KMT2C: variants seen among roughly 807,000 people sequenced by gnomAD.
The protein encoded by KMT2C is lysine methyltransferase 2C.
Under a neutral mutation model 507.9 loss-of-function variants are expected in KMT2C, and 88 were observed. That is an observed-to-expected ratio of 0.17 (90% CI 0.15 to 0.21). KMT2C has a LOEUF of 0.21. Among genes scored for constraint, KMT2C ranks in the 10% least tolerant of loss-of-function variants. The probability of loss-of-function intolerance (pLI) is 1.00; values close to 1 mark genes in which losing one functional copy is unlikely to be tolerated. For missense variants in KMT2C, 4,954 were observed against 5,957.8 expected (o/e 0.83, Z 5.55); for synonymous variants, 2,049 against 2,080.8 (o/e 0.98, Z 0.42).
chr7:152,329,040 T>C (rs1216141220), intron 3 of KMT2C, among the ~76,000 whole-genome samples: 2 of 151,218 alleles, frequency 1.3e-5, no homozygotes, highest in Non-Finnish European at 2.9e-5. Context: ...TAAAGAAGAG[T>C]AACGGAAATG....
chr7:152,201,617 G>GAAAAAAAAAAAAAAAAAAAAA (rs745427209), intron 26 of KMT2C, among the ~76,000 whole-genome samples: 4 of 22,906 alleles, frequency 1.7e-4, no homozygotes, highest in Non-Finnish European at 3.8e-4. Context: ...CAACAAAGAT[G>GAAAAAAAAAAAAAAAAAAAAA]AAAAAAAAAA....
chr7:152,167,770 T>C (rs1007065517), intron 41 of KMT2C, among the ~76,000 whole-genome samples: 5 of 152,200 alleles, frequency 3.3e-5, no homozygotes, highest in African/African-American at 1.2e-4. Context: ...GACAAAGACA[T>C]ATCCCATTAA....
intron 9 of KMT2C, among the ~76,000 whole-genome samples, chr7:152,257,865 G>GCACACACA (rs113752747): frequency 2.7e-5 from 4 of 147,216 alleles, no homozygotes; most frequent in African/African-American, 9.9e-5. Flanking sequence ...ACACACACAC[G>GCACACACA]CACACACACA....
At chr7:152,389,275 G>GA (rs2097465758) in intron 1 of KMT2C, among the ~76,000 whole-genome samples, 2 of 146,980 alleles carry the variant, frequency 1.4e-5, no homozygotes, top group South Asian at 4.3e-4. Context: ...TGAGGTAGGA[G>GA]AATCACTTGA....
Position 152,295,900 on chromosome 7 carries a change from A to T in KMT2C, c.849+14066T>A, listed in dbSNP as rs368718764. On this transcript the variant is annotated intron_variant, in intron 6 of 58. Coordinates refer to ENST00000262189, the MANE Select transcript of KMT2C (RefSeq NM_170606.3). Reference sequence around the variant, plus strand: ...GCTAACACGGTGAAACCCCGTCTCTACTAAAAATACAAAAAAAATTAGCCG... The same window carrying T: ...GCTAACACGGTGAAACCCCGTCTCTTCTAAAAATACAAAAAAAATTAGCCG... 4.7e-4 allele frequency among the ~76,000 whole-genome samples: 71 copies of T among 151,536 alleles called. No individual in the cohort carries two copies. In the East Asian group the frequency reaches 0.013, roughly 27 times the overall value.
rs3839689 is a variant in KMT2C, at chr7:152,201,293, GACACACACAC to G, written c.4092+1631_4092+1640del. ...CCCTCATGTCACACATACAGACACA[GACACACACAC>G]ACACACACACACACACACACACACA... On this transcript the variant is annotated intron_variant, in intron 26 of 58. Coordinates refer to ENST00000262189, the MANE Select transcript of KMT2C (RefSeq NM_170606.3). Among the ~76,000 whole-genome samples the G allele has an allele frequency of 3.5e-3, 479 of 137,038 alleles. 7 individuals carry two copies. The highest frequency in any genetic ancestry group is 0.012 in the African/African-American group (457 of 37,886). The allele number at this position is 137,038 out of a possible 152,430, so 89.9% of individuals were successfully genotyped here.
intron 46 of KMT2C, among the ~76,000 whole-genome samples, chr7:152,155,702 A>G (rs1587746295): frequency 1.3e-5 from 2 of 152,314 alleles, no homozygotes; most frequent in East Asian, 3.9e-4. Flanking sequence ...TTAACTCTCT[A>G]TATGATGTAG....
intron 1 of KMT2C, among the ~76,000 whole-genome samples, chr7:152,420,885 CA>C (rs1036600917): frequency 6.6e-6 from 1 of 150,960 alleles, no homozygotes; most frequent in African/African-American, 2.4e-5. Context: ...AATCAACAAG[CA>C]AAAAACTAGC....
At chr7:152,195,694 A>G (rs1476040880) in intron 28 of KMT2C, 1 of 298,950 alleles carries the variant, frequency 3.3e-6, no homozygotes, top group Non-Finnish European at 4.9e-6. Flanking sequence ...ATGTGATGCA[A>G]TTAGAAAGAC....
intron 1 of KMT2C, among the ~76,000 whole-genome samples, chr7:152,432,440 T>G (rs958402550): frequency 6.6e-6 from 1 of 152,236 alleles, no homozygotes; most frequent in African/African-American, 2.4e-5. Context: ...GGTTAAGACC[T>G]GTGCCTCTGA....
chr7:152,202,586 T>C (rs529299693), intron 26 of KMT2C, among the ~76,000 whole-genome samples: 51 of 152,332 alleles, frequency 3.3e-4, no homozygotes, highest in African/African-American at 1.2e-3. Context: ...GTAACTTGTA[T>C]TGGCAAAGGA....
At chr7:152,207,061 A>G (rs2094327970) in intron 24 of KMT2C, among the ~76,000 whole-genome samples, 2 of 152,342 alleles carry the variant, frequency 1.3e-5, no homozygotes, top group Non-Finnish European at 1.5e-5. Flanking sequence ...AATGGTTAAC[A>G]TTTGGGACAA....
Position 152,179,928 on chromosome 7 carries a change from G to A in KMT2C, c.7348C>T (p.Pro2450Ser), listed in dbSNP as rs1193738624. ...PGNIRSPVAP[P>S]LGPRYAVFPK... is the part of the protein sequence containing the mutation. ...AAAACAGCATATCTAGGTCCTAAAGGAGGGGCAACAGGAGACCTAATGTTC... is the reference window on the plus strand; with the variant it reads ...AAAACAGCATATCTAGGTCCTAAAGAAGGGGCAACAGGAGACCTAATGTTC... Residue 2450 changes from proline to serine, a missense_variant, in exon 37 of 59, where the codon CCT becomes TCT. Coordinates refer to ENST00000262189, the MANE Select transcript of KMT2C (RefSeq NM_170606.3). 1.9e-6 allele frequency: 3 copies of A among 1,613,992 alleles called. No homozygotes were observed. The highest frequency in any genetic ancestry group is 4.5e-5 in the East Asian group (2 of 44,890).
intron 26 of KMT2C, among the ~76,000 whole-genome samples, chr7:152,202,693 G>A (rs950505609): frequency 1.5e-4 from 23 of 152,138 alleles, no homozygotes; most frequent in Non-Finnish European, 2.6e-4. Flanking sequence ...ACATCTTATA[G>A]AATGCTTAGA....
chr7:152,261,803 C>T (rs1588684244), intron 9 of KMT2C, among the ~76,000 whole-genome samples: 1 of 152,044 alleles, frequency 6.6e-6, no homozygotes, highest in African/African-American at 2.4e-5. Context: ...TGTAAATATA[C>T]AAATCAGTCA....
chr7:152,415,770 C>G (rs1169721765), intron 1 of KMT2C, among the ~76,000 whole-genome samples: 1 of 152,118 alleles, frequency 6.6e-6, no homozygotes, highest in Non-Finnish European at 1.5e-5. Flanking sequence ...ATCCCAGCTA[C>G]TTGGGAGGCT....
intron 55 of KMT2C, among the ~76,000 whole-genome samples, chr7:152,140,569 A>T (rs1483242018): frequency 6.6e-6 from 1 of 152,208 alleles, no homozygotes; most frequent in Admixed American, 6.5e-5. Flanking sequence ...TTTTGCACTT[A>T]ATTCTGACTA....
At chr7:152,198,358 T>C (rs1473789957) in intron 27 of KMT2C, among the ~76,000 whole-genome samples, 1 of 152,220 alleles carries the variant, frequency 6.6e-6, no homozygotes, top group Non-Finnish European at 1.5e-5. Context: ...GCCAAGTTAA[T>C]GAAGCATTAA....
intron 1 of KMT2C, among the ~76,000 whole-genome samples, chr7:152,419,166 A>G (rs1431522714): frequency 6.6e-6 from 1 of 152,172 alleles, no homozygotes; most frequent in East Asian, 1.9e-4. Context: ...CCTGGCCAAC[A>G]TGGTGGAAGC....
Sources: gnomAD v4.1 joint callset for allele counts (sites outside exome capture counted in the v4.1 genomes callset) on GRCh38, gnomAD v4.1.1 for gene constraint, MANE v1.5 for transcripts, NCBI Gene and HGNC (gene_info 2026-07-23, HGNC 2026-07-21) for gene names.